Variants in UNC5D observed in about 807,000 individuals in gnomAD.
UNC5D encodes the protein unc-5 netrin receptor D.
Under a neutral mutation model 105.4 loss-of-function variants are expected in UNC5D, and 39 were observed. The observed-to-expected ratio is 0.37, with a 90% CI of 0.29 to 0.48. The LOEUF is 0.48. Among genes scored for constraint, UNC5D ranks in the 20% least tolerant of loss-of-function variants. The pLI, the probability that UNC5D is intolerant of heterozygous loss-of-function variation, is 0.98. For synonymous variants in UNC5D, 452 were observed against 450.4 expected (o/e 1.00, Z -0.04); for missense variants, 991 against 1,202.4 (o/e 0.82, Z 2.60).
At chr8:35,759,016 T>G (rs1161025345) in intron 13 of UNC5D, among the ~76,000 whole-genome samples, 1 of 152,106 alleles carries the variant, frequency 6.6e-6, no homozygotes, top group Non-Finnish European at 1.5e-5. Flanking sequence ...AGTATTACGA[T>G]TTGCTTGGGG....
At chr8:35,236,481 C>A (rs533211444) in intron 1 of UNC5D, among the ~76,000 whole-genome samples, 15 of 152,372 alleles carry the variant, frequency 9.8e-5, no homozygotes, top group African/African-American at 3.4e-4. Context: ...CCAGTTTAAC[C>A]GCGCCTGCAG....
intron 1 of UNC5D, among the ~76,000 whole-genome samples, chr8:35,383,570 G>C (rs921195081): frequency 6.6e-6 from 1 of 152,202 alleles, no homozygotes; most frequent in East Asian, 1.9e-4. Flanking sequence ...GAGCCTCTAA[G>C]GTAGGCAAGA....
At chr8:35,628,977 C>T (rs1293148399) in intron 4 of UNC5D, among the ~76,000 whole-genome samples, 2 of 152,080 alleles carry the variant, frequency 1.3e-5, no homozygotes, top group Non-Finnish European at 2.9e-5. Context: ...TCAAATTCCT[C>T]TCTGGTGCTC....
chr8:35,694,696 AGTGT>A (rs3077800), intron 7 of UNC5D, among the ~76,000 whole-genome samples: 1 of 149,646 alleles, frequency 6.7e-6, no homozygotes, highest in Non-Finnish European at 1.5e-5. Context: ...CAATAACTAT[AGTGT>A]GTGTGTGTGT....
At chr8:35,459,172 T>C (rs1233479869) in intron 1 of UNC5D, among the ~76,000 whole-genome samples, 2 of 152,168 alleles carry the variant, frequency 1.3e-5, no homozygotes, top group Admixed American at 6.6e-5. Context: ...GACAGGCTAA[T>C]TGATCTGACT....
chr8:35,298,332 C>G (rs1807656095), intron 1 of UNC5D, among the ~76,000 whole-genome samples: 1 of 152,192 alleles, frequency 6.6e-6, no homozygotes, highest in Admixed American at 6.5e-5. Flanking sequence ...AACTTTGGCT[C>G]TGAGCCTCTT....
chr8:35,415,929 T>G (rs993150601), intron 1 of UNC5D, among the ~76,000 whole-genome samples: 1 of 152,142 alleles, frequency 6.6e-6, no homozygotes, highest in African/African-American at 2.4e-5. Flanking sequence ...TGCTGGACAT[T>G]TACCTTGCAA....
At chr8:35,294,426 A>G (rs1409153279) in intron 1 of UNC5D, among the ~76,000 whole-genome samples, 1 of 152,152 alleles carries the variant, frequency 6.6e-6, no homozygotes, top group East Asian at 1.9e-4. Context: ...TTCAGCTGTC[A>G]TCTTGACATT....
rs1803201015 is a variant in UNC5D, at chr8:35,794,983, T to C, written c.*4420T>C. On this transcript the variant is annotated 3_prime_UTR_variant, in exon 17 of 17. Coordinates refer to ENST00000404895, the MANE Select transcript of UNC5D (RefSeq NM_080872.4). The stretch of plus-strand genomic sequence containing the variant: ...TTGTGGTTTTTGAAGCAGCTACTCA[T>C]TGCTTTTTCCTTTTGCTGTGAAGAT... The C allele has an allele frequency of 6.6e-6, 1 of 152,210 alleles. No homozygotes were observed. Among genetic ancestry groups the C allele is most frequent in the South Asian group, 2.1e-4 (1 of 4,828 alleles). 9.4% of individuals were successfully genotyped at this position (152,210 alleles called of 1,614,324 possible). A position where few individuals can be genotyped will look rare whatever the true frequency, so the allele number is the denominator to read the frequency against.
At chr8:35,490,914 C>A (rs1284838302) in intron 1 of UNC5D, among the ~76,000 whole-genome samples, 1 of 151,666 alleles carries the variant, frequency 6.6e-6, no homozygotes, top group Non-Finnish European at 1.5e-5. Flanking sequence ...CTGGTCTTTT[C>A]TTTTTTTCAT....
intron 1 of UNC5D, among the ~76,000 whole-genome samples, chr8:35,363,068 C>G (rs922227252): frequency 6.6e-6 from 1 of 152,106 alleles, no homozygotes; most frequent in African/African-American, 2.4e-5. Flanking sequence ...GTTTCTTCAT[C>G]TGTTTTTATA....
At chr8:35,431,971 T>G (rs1806670711) in intron 1 of UNC5D, among the ~76,000 whole-genome samples, 1 of 152,150 alleles carries the variant, frequency 6.6e-6, no homozygotes, top group Admixed American at 6.6e-5. Context: ...TTAAATTCAG[T>G]ATTAAAATTA....
At chr8:35,602,868 C>A (rs1235614898) in intron 4 of UNC5D, among the ~76,000 whole-genome samples, 4 of 118,676 alleles carry the variant, frequency 3.4e-5, no homozygotes, top group Non-Finnish European at 5.1e-5. Flanking sequence ...GCTATCCCTT[C>A]CCCCCTCCCC....
chr8:35,787,686 T>C (rs1003835256), intron 16 of UNC5D, among the ~76,000 whole-genome samples: 4 of 152,292 alleles, frequency 2.6e-5, no homozygotes, highest in African/African-American at 9.6e-5. Context: ...GGTACAATCA[T>C]AGCTCTCTGC....
intron 1 of UNC5D, among the ~76,000 whole-genome samples, chr8:35,252,720 C>T (rs1206330193): frequency 6.6e-6 from 1 of 152,092 alleles, no homozygotes; most frequent in Non-Finnish European, 1.5e-5. Flanking sequence ...CTACTAGGAA[C>T]ATTCGTGTAT....
chr8:35,689,039 T>G (rs1217297211), intron 7 of UNC5D, among the ~76,000 whole-genome samples: 1 of 152,212 alleles, frequency 6.6e-6, no homozygotes, highest in Non-Finnish European at 1.5e-5. Flanking sequence ...GGCAGTGAAT[T>G]TTATGTCTTC....
At chr8:35,245,747 T>G (rs1412596572) in intron 1 of UNC5D, among the ~76,000 whole-genome samples, 1 of 152,106 alleles carries the variant, frequency 6.6e-6, no homozygotes, top group Admixed American at 6.6e-5. Flanking sequence ...AGAAGACCAT[T>G]GTAGAGTCAA....
intron 1 of UNC5D, among the ~76,000 whole-genome samples, chr8:35,453,805 T>A (rs1330922513): frequency 1.3e-5 from 2 of 152,030 alleles, no homozygotes; most frequent in African/African-American, 4.8e-5. Flanking sequence ...ACCCACCCAC[T>A]CTCCTGCCTA....
intron 3 of UNC5D, among the ~76,000 whole-genome samples, chr8:35,585,540 G>A (rs1434784252): frequency 6.6e-6 from 1 of 151,976 alleles, no homozygotes; most frequent in East Asian, 1.9e-4. Flanking sequence ...GTGTGTGTGT[G>A]TGTGTGTGTG....
Sources: allele counts gnomAD v4.1 joint callset (sites outside exome capture counted in the v4.1 genomes callset), GRCh38; gene constraint gnomAD v4.1.1; transcripts MANE v1.5; gene names NCBI Gene and HGNC (gene_info 2026-07-23, HGNC 2026-07-21).